SLC35F3: variants seen among roughly 807,000 people sequenced by gnomAD.
SLC35F3 encodes the protein putative thiamine transporter SLC35F3.
A neutral mutation model predicts 49.9 loss-of-function variants in SLC35F3; 25 were observed. That is an observed-to-expected ratio of 0.50 (90% confidence interval 0.37 to 0.70). SLC35F3 has a LOEUF of 0.70. SLC35F3 is among the 30% of genes least tolerant of loss of function. The pLI, the probability that SLC35F3 is intolerant of heterozygous loss-of-function variation, is 0.00. For synonymous variants in SLC35F3, 275 were observed against 265.4 expected (o/e 1.04, Z -0.35); for missense variants, 525 against 639.8 (o/e 0.82, Z 1.94).
rs180851541 is a variant in SLC35F3 at position 234,120,427 on chromosome 1, A to G, written c.284-110990A>G. Among the ~76,000 whole-genome samples, 371 of 152,326 alleles carry G rather than the reference A, an allele frequency of 2.4e-3. 4 individuals are homozygous for G. The highest frequency in any genetic ancestry group is 8.5e-3 in the African/African-American group (355 of 41,568). On this transcript the variant is annotated intron_variant, in intron 2 of 7. Transcript: ENST00000366618. ...CTGTGATAATTCAGAAACCGTGCTC[A>G]GCATGTCCATATATACATTTGAATC... is the stretch of plus-strand genomic sequence containing the variant.
chr1:234,228,007 A>T (rs1169673319), intron 2 of SLC35F3, among the ~76,000 whole-genome samples: 1 of 152,216 alleles, frequency 6.6e-6, no homozygotes, highest in Non-Finnish European at 1.5e-5. Context: ...CTCTACATTT[A>T]TTCTTCAACT....
intron 3 of SLC35F3, among the ~76,000 whole-genome samples, chr1:234,237,842 C>G (rs920982752): frequency 1.3e-5 from 2 of 152,112 alleles, no homozygotes; most frequent in African/African-American, 4.8e-5. Flanking sequence ...GTCTCATTTC[C>G]TGTCTGATTT....
At chr1:234,051,261 C>A (rs1382014892) in intron 2 of SLC35F3, among the ~76,000 whole-genome samples, 1 of 152,160 alleles carries the variant, frequency 6.6e-6, no homozygotes, top group Non-Finnish European at 1.5e-5. Flanking sequence ...TTGATTCTTC[C>A]TATCCATGAG....
At chr1:234,266,540 C>T (rs1553259644) in intron 3 of SLC35F3, among the ~76,000 whole-genome samples, 1 of 152,234 alleles carries the variant, frequency 6.6e-6, no homozygotes, top group Non-Finnish European at 1.5e-5. Flanking sequence ...AGTCTTCCAT[C>T]ATGTAACATT....
At chr1:234,161,431 A>T (rs1186978338) in intron 2 of SLC35F3, among the ~76,000 whole-genome samples, 1 of 152,068 alleles carries the variant, frequency 6.6e-6, no homozygotes, top group African/African-American at 2.4e-5. Flanking sequence ...TTGGCAAATT[A>T]TGCCTCTTCC....
intron 2 of SLC35F3, among the ~76,000 whole-genome samples, chr1:234,220,322 A>G (rs1667184649): frequency 1.3e-5 from 2 of 152,132 alleles, no homozygotes; most frequent in African/African-American, 4.8e-5. Flanking sequence ...TCATGTGTAC[A>G]TGCTCATACG....
intron 2 of SLC35F3, among the ~76,000 whole-genome samples, chr1:233,937,875 A>G (rs1279661301): frequency 6.6e-6 from 1 of 152,030 alleles, no homozygotes; most frequent in Non-Finnish European, 1.5e-5. Context: ...AGTGCGGGAG[A>G]GGGGTGAGTG....
At chr1:234,276,604 C>T (rs1427123528) in intron 3 of SLC35F3, among the ~76,000 whole-genome samples, 1 of 152,144 alleles carries the variant, frequency 6.6e-6, no homozygotes, top group Non-Finnish European at 1.5e-5. Flanking sequence ...GGCCCAGTGC[C>T]TGAGACAGAA....
intron 2 of SLC35F3, among the ~76,000 whole-genome samples, chr1:234,139,589 C>T (rs1359866754): frequency 1.3e-5 from 2 of 152,158 alleles, no homozygotes; most frequent in Admixed American, 1.3e-4. Context: ...CTTGGTTTCA[C>T]TTTCCATGGT....
In SLC35F3 at chr1:234,231,834, A is replaced by G. The variant is rs1572106160; in HGVS notation, c.608+93A>G. ...GCTGCCCCTGGTGGCAGGCGCTGGG[A>G]TGAGCCGGTGGGAGCCCGTGGAGAG... On this transcript the variant is annotated intron_variant, in intron 3 of 7. Coordinates refer to ENST00000366618, the MANE Select transcript of SLC35F3 (RefSeq NM_173508.4). The surrounding 1 kb of genome is among the most constrained non-coding windows in gnomAD (Gnocchi z 5.4). The G allele has an allele frequency of 7.9e-7, 1 of 1,265,728 alleles. No homozygotes were observed. 78.4% of individuals were successfully genotyped at this position (1,265,728 alleles called of 1,614,324 possible). A position where few individuals can be genotyped will look rare whatever the true frequency, so the allele number is the denominator to read the frequency against.
chr1:234,244,616 C>CA (rs1158919768), intron 3 of SLC35F3, among the ~76,000 whole-genome samples: 1 of 149,742 alleles, frequency 6.7e-6, no homozygotes, highest in East Asian at 1.9e-4. Flanking sequence ...GCTTGATTAT[C>CA]ACTTTTTTTT....
chr1:234,101,318 G>A (rs934404292), intron 2 of SLC35F3, among the ~76,000 whole-genome samples: 1 of 152,008 alleles, frequency 6.6e-6, no homozygotes, highest in African/African-American at 2.4e-5. Flanking sequence ...TATTCAACAA[G>A]TACTTCCGGT....
chr1:234,226,961 G>GCACGCACACACACACACA (rs1553316746), intron 2 of SLC35F3, among the ~76,000 whole-genome samples: 3 of 148,638 alleles, frequency 2.0e-5, no homozygotes, highest in Non-Finnish European at 4.5e-5. Flanking sequence ...GCGCACGCGT[G>GCACGCACACACACACACA]CACACACACA....
rs1349158698 is a variant in SLC35F3 at position 233,904,966 on chromosome 1, C to G, written c.-112C>G. 7.9e-7 allele frequency: 1 copy of G among 1,261,590 alleles called. No homozygotes were observed. The highest frequency in any genetic ancestry group is 2.3e-5 in the Admixed American group (1 of 43,144). 78.1% of individuals were successfully genotyped at this position (1,261,590 alleles called of 1,614,324 possible). Reference sequence around the variant, plus strand: ...CCGGGGCGGCCGGCGCGGCGCAGACCCTCGGTGGGCAGCGCACTCCAGTCT... The same window carrying G: ...CCGGGGCGGCCGGCGCGGCGCAGACGCTCGGTGGGCAGCGCACTCCAGTCT... On this transcript the variant is annotated 5_prime_UTR_variant, in exon 1 of 8. Transcript: ENST00000366618.
chr1:234,276,266 C>G (rs1668209376), intron 3 of SLC35F3, among the ~76,000 whole-genome samples: 1 of 152,050 alleles, frequency 6.6e-6, no homozygotes, highest in East Asian at 1.9e-4. Context: ...TATTTCCGGT[C>G]CTCCAACATG....
At chr1:234,037,786 C>G (rs80268751) in intron 2 of SLC35F3, among the ~76,000 whole-genome samples, 2,685 of 152,252 alleles carry the variant, frequency 0.018, 122 homozygotes, top group East Asian at 0.17. Flanking sequence ...TGGGCAACTT[C>G]AGGTGCAGAA....
chr1:234,007,250 G>T (rs1470349412), intron 2 of SLC35F3, among the ~76,000 whole-genome samples: 2 of 152,182 alleles, frequency 1.3e-5, no homozygotes, highest in Admixed American at 1.3e-4. Flanking sequence ...ACATTGAGCA[G>T]GGAAAGGTGA....
At chr1:234,201,512 C>T (rs1364952481) in intron 2 of SLC35F3, among the ~76,000 whole-genome samples, 2 of 152,198 alleles carry the variant, frequency 1.3e-5, no homozygotes, top group African/African-American at 4.8e-5. Context: ...AAATTACAAA[C>T]ATCCTTCATA....
intron 2 of SLC35F3, among the ~76,000 whole-genome samples, chr1:234,077,021 G>T (rs1290397790): frequency 6.9e-6 from 1 of 144,270 alleles, no homozygotes; most frequent in Non-Finnish European, 1.5e-5. Context: ...TTTTTGAGAC[G>T]GAGTCTCGCT....
Sources: allele counts gnomAD v4.1 joint callset (sites outside exome capture counted in the v4.1 genomes callset), GRCh38; gene constraint gnomAD v4.1.1; non-coding constraint Gnocchi (gnomAD v3.1); transcripts MANE v1.5; gene names NCBI Gene and HGNC (gene_info 2026-07-23, HGNC 2026-07-21).